The following ADAMTSL1 variants were observed in gnomAD, a reference collection of about 807,000 sequenced individuals.
The protein encoded by ADAMTSL1 is ADAMTS-like protein 1.
Under a neutral mutation model 201.8 loss-of-function variants are expected in ADAMTSL1, and 126 were observed. That is an observed-to-expected ratio of 0.62 (90% CI 0.54 to 0.72). The LOEUF (loss-of-function observed/expected upper bound fraction) is 0.72, where lower values mean the gene tolerates loss of function less well. Among genes scored for constraint, ADAMTSL1 ranks in the 30% least tolerant of loss-of-function variants. ADAMTSL1 has a pLI of 0.00. For missense variants in ADAMTSL1, 2,679 were observed against 2,277.8 expected (o/e 1.18, Z -3.59); for synonymous variants, 1,121 against 903.4 (o/e 1.24, Z -4.32).
intron 13 of ADAMTSL1, among the ~76,000 whole-genome samples, chr9:18,690,559 T>C (rs907936210): frequency 5.3e-5 from 8 of 152,146 alleles, no homozygotes; most frequent in Non-Finnish European, 1.5e-5. Flanking sequence ...GATTCATGAT[T>C]CTTAAGAAAT....
At chr9:18,762,086 T>G (rs1385894342) in intron 16 of ADAMTSL1, among the ~76,000 whole-genome samples, 1 of 152,232 alleles carries the variant, frequency 6.6e-6, no homozygotes, top group Non-Finnish European at 1.5e-5. Flanking sequence ...AATCATCAAT[T>G]CAACAAACAT....
intron 1 of ADAMTSL1, among the ~76,000 whole-genome samples, chr9:18,112,785 G>C (rs1476095925): frequency 6.6e-6 from 1 of 152,160 alleles, no homozygotes; most frequent in Non-Finnish European, 1.5e-5. Flanking sequence ...ATGTTATGAA[G>C]GCAGAGATGC....
At chr9:18,375,448 G>C (rs193208639) in intron 2 of ADAMTSL1, among the ~76,000 whole-genome samples, 23 of 152,198 alleles carry the variant, frequency 1.5e-4, no homozygotes, top group African/African-American at 5.5e-4. Flanking sequence ...AGTATGTAAA[G>C]GTACATCATT....
intron 19 of ADAMTSL1, among the ~76,000 whole-genome samples, chr9:18,790,012 TG>T (rs1821930602): frequency 6.6e-6 from 1 of 152,152 alleles, no homozygotes; most frequent in Non-Finnish European, 1.5e-5. Flanking sequence ...AGGTAGTAGA[TG>T]GGCATTTCTC....
rs182199047 is a variant in ADAMTSL1, at chr9:18,028,199, G to C, written c.87+121277G>C. On this transcript the variant is annotated intron_variant, in intron 1 of 29. Coordinates refer to the ADAMTSL1 transcript ENST00000680146. ...GAGGTGTTGTTCCTGTCGTGATATT[G>C]TTAGCTGGTTGCTTTGTAATCTTGA... Among the ~76,000 whole-genome samples the C allele has an allele frequency of 5.1e-4, 77 of 152,162 alleles. 1 individual carries two copies. The highest frequency in any genetic ancestry group is 2.9e-3 in the East Asian group (15 of 5,174).
chr9:18,019,799 G>C (rs1225442930), intron 1 of ADAMTSL1, among the ~76,000 whole-genome samples: 1 of 152,086 alleles, frequency 6.6e-6, no homozygotes, highest in Non-Finnish European at 1.5e-5. Flanking sequence ...AAACTGTTCA[G>C]TTACCTTTCA....
chr9:18,298,110 G>T (rs1018691980), intron 2 of ADAMTSL1, among the ~76,000 whole-genome samples: 1 of 152,192 alleles, frequency 6.6e-6, no homozygotes, highest in East Asian at 1.9e-4. Flanking sequence ...GAGCTAGGAC[G>T]TATTCCCGGA....
chr9:18,648,623 A>G (rs1289255748), intron 7 of ADAMTSL1, among the ~76,000 whole-genome samples: 1 of 151,472 alleles, frequency 6.6e-6, no homozygotes, highest in South Asian at 2.1e-4. Context: ...TCTATAAAGT[A>G]TTTTATTTCT....
intron 1 of ADAMTSL1, among the ~76,000 whole-genome samples, chr9:18,090,664 C>G (rs1823972018): frequency 6.6e-6 from 1 of 152,124 alleles, no homozygotes; most frequent in African/African-American, 2.4e-5. Context: ...AGTTCTGGAG[C>G]TGCATGGCGG....
intron 14 of ADAMTSL1, among the ~76,000 whole-genome samples, chr9:18,713,233 A>G (rs1832719876): frequency 1.3e-5 from 2 of 152,242 alleles, no homozygotes; most frequent in South Asian, 4.2e-4. Flanking sequence ...TGACAGGATC[A>G]TATTCACACA....
At chr9:18,872,697 A>G (rs936813651) in intron 23 of ADAMTSL1, among the ~76,000 whole-genome samples, 2 of 152,136 alleles carry the variant, frequency 1.3e-5, no homozygotes, top group African/African-American at 2.4e-5. Context: ...GTAGTATTCC[A>G]TGGTATATGT....
chr9:18,252,326 GGTTACAGAA>G (rs1831494952), intron 2 of ADAMTSL1, among the ~76,000 whole-genome samples: 1 of 152,070 alleles, frequency 6.6e-6, no homozygotes, highest in Admixed American at 6.6e-5. Flanking sequence ...CTCATTTACT[GGTTACAGAA>G]GAAATGCAAA....
chr9:18,372,343 C>T (rs915049340), intron 2 of ADAMTSL1, among the ~76,000 whole-genome samples: 1 of 152,082 alleles, frequency 6.6e-6, no homozygotes, highest in African/African-American at 2.4e-5. Context: ...AATCGCATGC[C>T]GTGACTGGGA....
chr9:18,751,175 A>G (rs1234779383), intron 15 of ADAMTSL1, among the ~76,000 whole-genome samples: 11 of 152,374 alleles, frequency 7.2e-5, no homozygotes, highest in African/African-American at 2.6e-4. Flanking sequence ...TTTAAAGCTT[A>G]TAATTAACTC....
chr9:18,270,873 G>A (rs912299202), intron 2 of ADAMTSL1, among the ~76,000 whole-genome samples: 13 of 152,136 alleles, frequency 8.5e-5, no homozygotes, highest in African/African-American at 2.9e-4. Context: ...GTGGTGAAGA[G>A]AGAGATACAT....
intron 3 of ADAMTSL1, among the ~76,000 whole-genome samples, chr9:18,537,863 G>C (rs1189276758): frequency 1.4e-5 from 2 of 139,596 alleles, no homozygotes; most frequent in Admixed American, 7.3e-5. Flanking sequence ...GACAGAGCAA[G>C]ACCTTGTCTC....
In ADAMTSL1 at chr9:18,034,523, C is replaced by G. The variant is rs377254595; in HGVS notation, c.87+127601C>G. ...AACATAAACTCATCATTTTCTTTCC[C>G]TTTTTTCAAACCAGTTTTGCCTCTT... On this transcript the variant is annotated intron_variant, in intron 1 of 29. Coordinates refer to the ADAMTSL1 transcript ENST00000680146. Among the ~76,000 whole-genome samples, 233 of 152,194 alleles carry G rather than the reference C, an allele frequency of 1.5e-3. 7 individuals carry two copies. The South Asian group carries it at 0.048, about 31-fold the overall frequency.
chr9:18,281,890 T>C (rs1298095501), intron 2 of ADAMTSL1, among the ~76,000 whole-genome samples: 1 of 152,236 alleles, frequency 6.6e-6, no homozygotes, highest in East Asian at 1.9e-4. Context: ...AATTTTGATT[T>C]GTTGTTTCAT....
At chr9:18,272,354 G>A (rs1832407137) in intron 2 of ADAMTSL1, among the ~76,000 whole-genome samples, 1 of 152,102 alleles carries the variant, frequency 6.6e-6, no homozygotes, top group African/African-American at 2.4e-5. Context: ...CAAGAAATGG[G>A]GAAAGGATTC....
Sources: gnomAD v4.1 joint callset for allele counts (sites outside exome capture counted in the v4.1 genomes callset) on GRCh38, gnomAD v4.1.1 for gene constraint, MANE v1.5 for transcripts, NCBI Gene and HGNC (gene_info 2026-07-23, HGNC 2026-07-21) for gene names.